The following MFSD8 variants were observed in gnomAD, a reference collection of about 807,000 sequenced individuals.
MFSD8 encodes major facilitator superfamily domain-containing protein 8.
In MFSD8, 55 loss-of-function variants were observed where a neutral mutation model predicts 66.4. The ratio of observed to expected loss-of-function variants is 0.83; its 90% confidence interval spans 0.67 to 1.04. The LOEUF (loss-of-function observed/expected upper bound fraction) is 1.04, where lower values mean the gene tolerates loss of function less well. Among genes scored for constraint, MFSD8 ranks in the 50% least tolerant of loss-of-function variants. MFSD8 has a pLI of 0.00. For missense variants in MFSD8, 550 were observed against 627.6 expected, an observed-to-expected ratio of 0.88 and a Z score of 1.32; for synonymous variants, 202 against 212.8, an observed-to-expected ratio of 0.95 and a Z score of 0.44.
chr4:127,940,422 T>C (rs72616970), intron 5 of MFSD8, among the ~76,000 whole-genome samples: 4,372 of 151,340 alleles, frequency 0.029, 256 homozygotes, highest in East Asian at 0.24. Context: ...TACAATTTCT[T>C]CCAAAAATTA....
Position 127,921,561 on chromosome 4 carries a change from T to C in MFSD8, c.1313A>G (p.Tyr438Cys). 2.5e-6 allele frequency: 4 copies of C among 1,614,180 alleles called. No individual in the cohort carries two copies. In the African/African-American group the frequency reaches 5.3e-5, roughly 22 times the overall value. Residue 438 changes from tyrosine to cysteine, a missense_variant, in exon 11 of 12, where the codon TAT becomes TGT. Tyr to Cys is a radical substitution (Grantham distance 194). Transcript: ENST00000641686. ...LGYPVCNLMS[Y>C]TLYSKILGPK... is the part of the protein sequence containing the mutation. The stretch of plus-strand genomic sequence containing the variant: ...TCCTAGAATTTTTGAATATAGAGTA[T>C]AGGACATAAGATTGCAGACTGGATA...
intron 2 of MFSD8, among the ~76,000 whole-genome samples, chr4:127,957,160 G>GA (rs548972995): frequency 8.6e-5 from 13 of 151,674 alleles, no homozygotes; most frequent in African/African-American, 2.7e-4. Flanking sequence ...CTCATCACAA[G>GA]AAAAAAAATA....
At chr4:127,965,435 G>C, upstream of MFSD8, 2 of 542,436 alleles carry the variant, frequency 3.7e-6, no homozygotes, top group Middle Eastern at 5.1e-4. Context: ...CTCCGGGTTT[G>C]TCTTCCTCCC....
intron 7 of MFSD8, 114 bp from the exon 8 acceptor site, chr4:127,933,207 AT>A: frequency 3.7e-6 from 3 of 820,068 alleles, no homozygotes; most frequent in Non-Finnish European, 3.9e-6. Flanking sequence ...ATTTAAAAAA[AT>A]TTTTAGGCTT....
At chr4:127,933,782 C>T (rs1738563698) in intron 7 of MFSD8, 1 of 152,178 alleles carries the variant, frequency 6.6e-6, no homozygotes, top group Admixed American at 6.5e-5. Flanking sequence ...TTCCACCTTA[C>T]TTAAATCTTA....
intron 7 of MFSD8, among the ~76,000 whole-genome samples, chr4:127,938,573 ACT>A (rs535164031): frequency 2.5e-3 from 368 of 144,322 alleles, no homozygotes; most frequent in Middle Eastern, 0.01. Flanking sequence ...ACAGAGCGAA[ACT>A]CTGTCTCAAA....
Position 127,920,406 on chromosome 4 carries a change from T to C in MFSD8, c.*224A>G, listed in dbSNP as rs1736182268. 2 of 564,614 alleles carry C rather than the reference T, an allele frequency of 3.5e-6. No individual in the cohort carries two copies. Among genetic ancestry groups the C allele is most frequent in the African/African-American group, 1.9e-5 (1 of 52,988 alleles). The allele number at this position is 564,614 out of a possible 1,614,324, so 35.0% of individuals were successfully genotyped here. On this transcript the variant is annotated 3_prime_UTR_variant, in exon 12 of 12. Coordinates refer to ENST00000641686, the MANE Select transcript of MFSD8 (RefSeq NM_001371596.2). ...AAAAAGGTATTATAAGAATAATATT[T>C]CATTTCTGAGGTAAGGAAATTATCA...
chr4:127,930,739 A>G lies in MFSD8; in HGVS notation c.942T>C (p.Ala314=). Residue 314 remains alanine, a synonymous_variant, in exon 9 of 12, where the codon GCT becomes GCC. Transcript: ENST00000641686. ...TAACAACGGCTTCAACCCCAAGAGC[A>G]GCAAGTATTATGCCATTATATAACA... ...QAVLYNGIIL[A]ALGVEAVVIF... 1 of 1,613,774 alleles carries G rather than the reference A, an allele frequency of 6.2e-7. No homozygotes were observed. The highest frequency in any genetic ancestry group is 8.5e-7 in the Non-Finnish European group (1 of 1,179,820).
chr4:127,941,975 A>C, intron 5 of MFSD8, 70 bp downstream of exon 5: 1 of 1,203,232 alleles, frequency 8.3e-7, no homozygotes, highest in Non-Finnish European at 1.2e-6. Context: ...TACTTGGGTT[A>C]CACTGAATAT....
chr4:127,926,525 C>G (rs949756240), intron 9 of MFSD8, among the ~76,000 whole-genome samples: 4 of 151,762 alleles, frequency 2.6e-5, no homozygotes, highest in Non-Finnish European at 5.9e-5. Flanking sequence ...TTGGCTTTCC[C>G]CCTACTGGAA....
intron 9 of MFSD8, among the ~76,000 whole-genome samples, chr4:127,924,987 A>G (rs1045449415): frequency 3.3e-5 from 5 of 152,014 alleles, no homozygotes; most frequent in Non-Finnish European, 7.4e-5. Flanking sequence ...AACAAGCAAT[A>G]GGGAAAGGAT....
intron 1 of MFSD8, among the ~76,000 whole-genome samples, chr4:127,964,199 C>A (rs1744479487): frequency 6.6e-6 from 1 of 152,264 alleles, no homozygotes; most frequent in African/African-American, 2.4e-5. Flanking sequence ...ACCGGGGCTG[C>A]AGGTGGAGCT....
chr4:127,962,175 C>A (rs1450871338), intron 1 of MFSD8, among the ~76,000 whole-genome samples: 3 of 152,148 alleles, frequency 2.0e-5, no homozygotes, highest in Non-Finnish European at 4.4e-5. Flanking sequence ...AGCAACGGGC[C>A]TCAGAGCCTA....
chr4:127,957,836 T>G (rs1743144395), intron 1 of MFSD8, among the ~76,000 whole-genome samples: 1 of 152,234 alleles, frequency 6.6e-6, no homozygotes, highest in Admixed American at 6.5e-5. Flanking sequence ...GGAAACTTTT[T>G]GCAAGGCAAT....
Position 127,921,597 on chromosome 4 carries a change from A to G in MFSD8, c.1277T>C (p.Ile426Thr), listed in dbSNP as rs1736342773. Residue 426 changes from isoleucine to threonine, a missense_variant, in exon 11 of 12, where the codon ATA (isoleucine) becomes ACA (threonine). Ile to Thr is a moderately conservative substitution (Grantham distance 89). Transcript: ENST00000641686. ...ATTGCAGACTGGATAGCCTAATCCT[A>G]TTAGCACAGCTGATGTAAGGAACTG... Reference protein sequence around the residue: ...LAQFLTSAVLIGLGYPVCNLM... With the variant: ...LAQFLTSAVLTGLGYPVCNLM... 1 of 1,614,198 alleles carries G rather than the reference A, an allele frequency of 6.2e-7. No individual in the cohort carries two copies. The highest frequency in any genetic ancestry group is 8.5e-7 in the Non-Finnish European group (1 of 1,180,024).
At chr4:127,938,622 A>T (rs1224757950) in intron 7 of MFSD8, among the ~76,000 whole-genome samples, 161 bp downstream of exon 7, 62 of 149,554 alleles carry the variant, frequency 4.1e-4, no homozygotes, top group South Asian at 1.9e-3. Context: ...TAAATAAATA[A>T]ATAAATAAAT....
In MFSD8 at chr4:127,943,953, T is replaced by C; in HGVS notation, c.238A>G (p.Ile80Val). 3 of 1,614,108 alleles carry C rather than the reference T, an allele frequency of 1.9e-6. No homozygotes were observed. Among genetic ancestry groups the C allele is most frequent in the Non-Finnish European group, 1.7e-6 (2 of 1,179,998 alleles). ...TADTSFLGWV[I>V]ASYSLGQMVA... ...ATTTGGCCAAGACTATATGAAGCAATAACCCAGCCCAAAAAACTTGTATCA... is the reference window on the plus strand; with the variant it reads ...ATTTGGCCAAGACTATATGAAGCAACAACCCAGCCCAAAAAACTTGTATCA... Residue 80 changes from isoleucine (I) to valine (V), a missense_variant, in exon 4 of 12, where the codon ATT (isoleucine) becomes GTT (valine). By Grantham distance (29) the Ile-to-Val change is conservative (BLOSUM62 3). Transcript: ENST00000641686.
chr4:127,960,161 C>G (rs993495052), intron 1 of MFSD8, among the ~76,000 whole-genome samples: 10 of 152,170 alleles, frequency 6.6e-5, no homozygotes, highest in African/African-American at 2.4e-4. Flanking sequence ...GCATGCTTGT[C>G]AAACTTGTGA....
intron 9 of MFSD8, among the ~76,000 whole-genome samples, chr4:127,924,087 C>T (rs1223392766): frequency 1.3e-5 from 2 of 152,004 alleles, no homozygotes; most frequent in Non-Finnish European, 1.5e-5. Flanking sequence ...AACTTTGTAC[C>T]TCCAGTAGAA....
Sources: allele counts gnomAD v4.1 joint callset (sites outside exome capture counted in the v4.1 genomes callset), GRCh38; gene constraint gnomAD v4.1.1; transcripts MANE v1.5; gene names NCBI Gene and HGNC (gene_info 2026-07-23, HGNC 2026-07-21).